The following ZNF385D variants were observed in gnomAD, a reference collection of about 807,000 sequenced individuals.
ZNF385D encodes the protein zinc finger protein 659.
A neutral mutation model predicts 35.8 loss-of-function variants in ZNF385D; 15 were observed. The ratio of observed to expected loss-of-function variants is 0.42; its 90% CI spans 0.28 to 0.64. The LOEUF (loss-of-function observed/expected upper bound fraction) is 0.64, where lower values mean the gene tolerates loss of function less well. ZNF385D is among the 30% of genes least tolerant of loss of function. The pLI, the probability that ZNF385D is intolerant of heterozygous loss-of-function variation, is 0.23. For synonymous variants in ZNF385D, 212 were observed against 186.8 expected (o/e 1.13, Z -1.10); for missense variants, 474 against 494.6 (o/e 0.96, Z 0.39).
chr3:21,749,948 T>C (rs900475009), intron 1 of ZNF385D, among the ~76,000 whole-genome samples: 3 of 129,462 alleles, frequency 2.3e-5, no homozygotes, highest in African/African-American at 8.9e-5. Context: ...ATCAGAGCAT[T>C]TGCATCTTGG....
intron 2 of ZNF385D, among the ~76,000 whole-genome samples, chr3:21,589,976 T>C (rs1291388015): frequency 6.6e-6 from 1 of 152,164 alleles, no homozygotes; most frequent in Non-Finnish European, 1.5e-5. Flanking sequence ...ATTTCTTTTC[T>C]AGGTAATAGA....
chr3:21,567,211 T>TTAAG (rs2063179304), intron 2 of ZNF385D, among the ~76,000 whole-genome samples: 1 of 152,158 alleles, frequency 6.6e-6, no homozygotes, highest in Non-Finnish European at 1.5e-5. Flanking sequence ...CTAAAATCAG[T>TTAAG]TAAGTGTCTT....
chr3:21,690,179 T>C (rs2067235418), intron 1 of ZNF385D, among the ~76,000 whole-genome samples: 1 of 152,078 alleles, frequency 6.6e-6, no homozygotes, highest in Non-Finnish European at 1.5e-5. Flanking sequence ...AATAAATCTG[T>C]ATATGTTTGT....
intron 2 of ZNF385D, among the ~76,000 whole-genome samples, chr3:22,324,971 G>A (rs919435904): frequency 1.3e-5 from 2 of 152,152 alleles, no homozygotes; most frequent in East Asian, 3.9e-4. Flanking sequence ...ACCTCTCTGT[G>A]TATCTGTTTC....
chr3:22,129,854 C>T (rs1057027390), intron 3 of ZNF385D, among the ~76,000 whole-genome samples: 1 of 151,912 alleles, frequency 6.6e-6, no homozygotes, highest in Non-Finnish European at 1.5e-5. Context: ...GTTGTAAGAC[C>T]CTTCCCTCTC....
At chr3:21,760,637 A>G (rs943273392) in intron 3 of ZNF385D, among the ~76,000 whole-genome samples, 1 of 152,200 alleles carries the variant, frequency 6.6e-6, no homozygotes, top group Non-Finnish European at 1.5e-5. Context: ...AAAAGGTCAT[A>G]CTTTTCTTTA....
chr3:22,284,827 A>G (rs1289255496), intron 2 of ZNF385D, among the ~76,000 whole-genome samples: 2 of 152,166 alleles, frequency 1.3e-5, no homozygotes, highest in South Asian at 2.1e-4. Flanking sequence ...AATTTGGTAT[A>G]CCTAAAAAAG....
At chr3:21,721,608 C>G (rs1489533130) in intron 1 of ZNF385D, among the ~76,000 whole-genome samples, 1 of 151,988 alleles carries the variant, frequency 6.6e-6, no homozygotes, top group East Asian at 1.9e-4. Context: ...AAAATATTTT[C>G]GATTCTTAAA....
intron 3 of ZNF385D, among the ~76,000 whole-genome samples, chr3:22,123,407 A>G (rs1014223404): frequency 6.6e-6 from 1 of 152,194 alleles, no homozygotes. Flanking sequence ...GTAAGTGTAT[A>G]TATTTATAAA....
chr3:21,824,833 A>ATGAC lies in ZNF385D; in HGVS notation c.326-159809_326-159806dup, dbSNP rs578114879. 5.0e-3 allele frequency among the ~76,000 whole-genome samples: 762 copies of ATGAC among 152,292 alleles called. 6 individuals are homozygous for ATGAC. Among genetic ancestry groups the ATGAC allele is most frequent in the African/African-American group, 0.017 (686 of 41,570 alleles). ...CTACAAATTATTCTGAAGTTCCTTGATGACTGTTTTTACACCATAGGGAAA... is the reference window on the plus strand; with the variant it reads ...CTACAAATTATTCTGAAGTTCCTTGATGACTGACTGTTTTTACACCATAGGGAAA... On this transcript the variant is annotated intron_variant, in intron 3 of 5. Coordinates refer to the ZNF385D transcript ENST00000494108.
In ZNF385D at chr3:21,636,395, TATATATATATATATATATA is replaced by T. The variant is rs1247905997; in HGVS notation, c.165+28472_165+28490del. Among the ~76,000 whole-genome samples, 39 of 39,436 alleles carry T rather than the reference TATATATATATATATATATA, an allele frequency of 9.9e-4. 1 individual carries two copies. The highest frequency in any genetic ancestry group is 5.9e-3 in the Admixed American group (18 of 3,028). The allele number at this position is 39,436 out of a possible 152,430, so 25.9% of individuals were successfully genotyped here. On this transcript the variant is annotated intron_variant, in intron 2 of 7. Transcript: ENST00000281523. ...ATATATGATTATATATATATATATATATATATATATATATATATAGAGTTTCTTAAGGAGTATTAACTCA... is the reference window on the plus strand; with the variant it reads ...ATATATGATTATATATATATATATATGAGTTTCTTAAGGAGTATTAACTCA...
chr3:21,722,314 G>A (rs1559552455), intron 1 of ZNF385D, among the ~76,000 whole-genome samples: 1 of 152,128 alleles, frequency 6.6e-6, no homozygotes, highest in Non-Finnish European at 1.5e-5. Flanking sequence ...ACTACTGTGT[G>A]AACAATAGAC....
intron 3 of ZNF385D, among the ~76,000 whole-genome samples, chr3:22,061,756 C>T (rs1421512125): frequency 6.6e-6 from 1 of 152,218 alleles, no homozygotes; most frequent in Non-Finnish European, 1.5e-5. Context: ...CCCTCTACCA[C>T]TGCCTCTGTA....
chr3:22,076,950 C>T lies in ZNF385D; in HGVS notation c.325+91867G>A, dbSNP rs116765512. Among the ~76,000 whole-genome samples, 512 of 151,920 alleles carry T rather than the reference C, an allele frequency of 3.4e-3. 2 individuals are homozygous for T. The highest frequency in any genetic ancestry group is 0.012 in the African/African-American group (488 of 41,506). On this transcript the variant is annotated intron_variant, in intron 3 of 5. Coordinates refer to the ZNF385D transcript ENST00000494108. Reference sequence around the variant, plus strand: ...AACACTCATCTACCTCTGAGTAACACGTTTTTAATCATATTAATATGTAAA... The same window carrying T: ...AACACTCATCTACCTCTGAGTAACATGTTTTTAATCATATTAATATGTAAA...
intron 3 of ZNF385D, among the ~76,000 whole-genome samples, chr3:21,807,103 T>A (rs528493397): frequency 1.3e-5 from 2 of 152,328 alleles, no homozygotes; most frequent in African/African-American, 4.8e-5. Flanking sequence ...AGTAAAAATA[T>A]AATGTGAATC....
intron 2 of ZNF385D, among the ~76,000 whole-genome samples, chr3:22,239,367 TC>T (rs1028967004): frequency 6.6e-6 from 1 of 151,058 alleles, no homozygotes; most frequent in African/African-American, 2.5e-5. Flanking sequence ...TACTATCTAT[TC>T]CTTTGTAGAA....
At chr3:22,311,690 G>C (rs892016753) in intron 2 of ZNF385D, among the ~76,000 whole-genome samples, 4 of 152,038 alleles carry the variant, frequency 2.6e-5, no homozygotes, top group African/African-American at 9.7e-5. Context: ...GAGGAGTGGA[G>C]AAAAAGAAGA....
At chr3:22,302,377 T>TTA (rs140950656) in intron 2 of ZNF385D, among the ~76,000 whole-genome samples, 3,716 of 150,580 alleles carry the variant, frequency 0.025, 125 homozygotes, top group South Asian at 0.14. Context: ...AATAGTAAAA[T>TTA]TATATATATA....
chr3:22,304,284 T>C (rs144287415), intron 2 of ZNF385D, among the ~76,000 whole-genome samples: 118 of 152,306 alleles, frequency 7.7e-4, no homozygotes, highest in African/African-American at 2.7e-3. Flanking sequence ...TTACACTTTA[T>C]GATTTAATAG....
Sources: allele counts gnomAD v4.1 joint callset (sites outside exome capture counted in the v4.1 genomes callset), GRCh38; gene constraint gnomAD v4.1.1; transcripts MANE v1.5; gene names NCBI Gene and HGNC (gene_info 2026-07-23, HGNC 2026-07-21).